STAU2: variants seen among roughly 807,000 people sequenced by gnomAD.
STAU2 encodes the protein double-stranded RNA-binding protein Staufen homolog 2.
Under a neutral mutation model 65.9 loss-of-function variants are expected in STAU2, and 20 were observed. The ratio of observed to expected loss-of-function variants is 0.30; its 90% CI spans 0.21 to 0.44. The LOEUF (loss-of-function observed/expected upper bound fraction) is 0.44. STAU2 is among the 20% of genes least tolerant of loss of function. The pLI is 1.00. For missense variants in STAU2, 558 were observed against 683.9 expected (o/e 0.82, Z 2.05); for synonymous variants, 232 against 233.9 (o/e 0.99, Z 0.07).
At chr8:73,692,335 T>C (rs188886006) in intron 4 of STAU2, among the ~76,000 whole-genome samples, 2 of 152,130 alleles carry the variant, frequency 1.3e-5, no homozygotes, top group Admixed American at 1.3e-4. Context: ...GTAGCTGGCA[T>C]CACAGGCACA....
chr8:73,493,722 C>A (rs1821258244), intron 13 of STAU2, among the ~76,000 whole-genome samples: 2 of 151,646 alleles, frequency 1.3e-5, no homozygotes, highest in African/African-American at 2.4e-5. Flanking sequence ...TACCCTATGA[C>A]CCAGCAATTC....
Position 73,685,381 on chromosome 8 carries a change from CT to C in STAU2, c.274+3272del, listed in dbSNP as rs1291568249. 3.3e-3 allele frequency among the ~76,000 whole-genome samples: 457 copies of C among 139,310 alleles called. 2 individuals carry two copies. The highest frequency in any genetic ancestry group is 8.1e-3 in the African/African-American group (312 of 38,410). The allele number at this position is 139,310 out of a possible 152,430, so 91.4% of individuals were successfully genotyped here. A position where few individuals can be genotyped will look rare whatever the true frequency, so the allele number is the denominator to read the frequency against. ...TGGTGAAAAGAAACACTTTTTTTTT[CT>C]TTTTTTTTTTTTTGAGATGGAGCCT... On this transcript the variant is annotated intron_variant, in intron 5 of 14. Coordinates refer to ENST00000524300, the MANE Select transcript of STAU2 (RefSeq NM_001164380.2).
chr8:73,670,336 C>T (rs1477057766), intron 6 of STAU2: 1 of 151,742 alleles, frequency 6.6e-6, no homozygotes, highest in Admixed American at 6.6e-5. Flanking sequence ...GGCCCATTAG[C>T]AAGGGGAAGA....
chr8:73,636,186 A>G (rs531184397), intron 6 of STAU2, among the ~76,000 whole-genome samples: 5 of 152,080 alleles, frequency 3.3e-5, no homozygotes, highest in Admixed American at 6.5e-5. Flanking sequence ...AAAACCCCAT[A>G]TCTATAAAGA....
At chr8:73,438,470 G>A (rs761331524) in intron 13 of STAU2, among the ~76,000 whole-genome samples, 7 of 152,322 alleles carry the variant, frequency 4.6e-5, no homozygotes, top group South Asian at 2.1e-4. Context: ...GAGCTGGGGC[G>A]CAAAGCCACT....
chr8:73,736,586 C>A (rs1458131426), intron 3 of STAU2, among the ~76,000 whole-genome samples: 1 of 152,186 alleles, frequency 6.6e-6, no homozygotes, highest in Non-Finnish European at 1.5e-5. Context: ...CTGTGCAAAT[C>A]CCTGTAGCCA....
chr8:73,680,351 C>A (rs1818346460), intron 5 of STAU2, among the ~76,000 whole-genome samples: 1 of 152,064 alleles, frequency 6.6e-6, no homozygotes, highest in Non-Finnish European at 1.5e-5. Context: ...CACTGGGTAG[C>A]TAGACCCAGA....
chr8:73,532,877 G>A (rs1401635415), intron 13 of STAU2, among the ~76,000 whole-genome samples: 1 of 152,068 alleles, frequency 6.6e-6, no homozygotes, highest in East Asian at 1.9e-4. Context: ...TGACCTGTAA[G>A]CCACGCACCT....
Position 73,483,328 on chromosome 8 carries a change from G to A in STAU2, c.1531-60626C>T, listed in dbSNP as rs549140630. The stretch of plus-strand genomic sequence containing the variant: ...AACCTCACAAATTGTCTAGGCAGTC[G>A]TGAGCAATCATTGACTTGGTTTGTT... On this transcript the variant is annotated intron_variant, in intron 13 of 14. Transcript: ENST00000524300. Among the ~76,000 whole-genome samples the A allele has an allele frequency of 2.6e-5, 4 of 152,206 alleles. No homozygotes were observed. In the East Asian group the frequency reaches 5.8e-4, roughly 22 times the overall value.
chr8:73,498,840 T>G (rs1463921406), intron 13 of STAU2, among the ~76,000 whole-genome samples: 1 of 151,770 alleles, frequency 6.6e-6, no homozygotes, highest in African/African-American at 2.4e-5. Flanking sequence ...GACGGTTAAT[T>G]TTATGTGTTA....
At chr8:73,726,746 A>C (rs1038737081) in intron 3 of STAU2, among the ~76,000 whole-genome samples, 1 of 152,114 alleles carries the variant, frequency 6.6e-6, no homozygotes, top group Non-Finnish European at 1.5e-5. Context: ...TCGTGTCTTG[A>C]ACATTTAGAG....
chr8:73,635,935 C>T (rs1814466289), intron 6 of STAU2, among the ~76,000 whole-genome samples: 1 of 115,182 alleles, frequency 8.7e-6, no homozygotes, highest in Admixed American at 9.0e-5. Context: ...CACACACACA[C>T]ACACACACAC....
chr8:73,521,399 C>A (rs1371272686), intron 13 of STAU2, among the ~76,000 whole-genome samples: 1 of 152,136 alleles, frequency 6.6e-6, no homozygotes, highest in Non-Finnish European at 1.5e-5. Flanking sequence ...AGAGTTTATA[C>A]CTCATTATTC....
At chr8:73,712,129 G>C (rs1820943563) in intron 3 of STAU2, among the ~76,000 whole-genome samples, 1 of 152,114 alleles carries the variant, frequency 6.6e-6, no homozygotes, top group Middle Eastern at 3.2e-3. Context: ...GTGCAAAAAA[G>C]TGAGAAATGC....
At chr8:73,444,999 G>A (rs1470908485) in intron 13 of STAU2, among the ~76,000 whole-genome samples, 1 of 152,154 alleles carries the variant, frequency 6.6e-6, no homozygotes, top group Non-Finnish European at 1.5e-5. Context: ...GCGCCTAGAT[G>A]GGGAGGCTGT....
intron 5 of STAU2, among the ~76,000 whole-genome samples, chr8:73,679,894 A>G (rs544361279): frequency 6.6e-6 from 1 of 150,588 alleles, no homozygotes; most frequent in Non-Finnish European, 1.5e-5. Context: ...ACCTAAAAAA[A>G]AAAACAAAAC....
Position 73,420,437 on chromosome 8 carries a change from G to T in STAU2, c.*935C>A. ...CTGGATTCCAACATGCTGGCCCGGA[G>T]CGTGGCTGGCTGGAAGCAACTCCAA... is the stretch of plus-strand genomic sequence containing the variant. On this transcript the variant is annotated 3_prime_UTR_variant, in exon 15 of 15. Coordinates refer to ENST00000524300, the MANE Select transcript of STAU2 (RefSeq NM_001164380.2). 3.4e-6 allele frequency: 1 copy of T among 291,628 alleles called. No homozygotes were observed. The highest frequency in any genetic ancestry group is 1.3e-3 in the Middle Eastern group (1 of 764). The allele number at this position is 291,628 out of a possible 1,614,324, so 18.1% of individuals were successfully genotyped here.
At chr8:73,526,373 T>C (rs2128930846) in intron 13 of STAU2, among the ~76,000 whole-genome samples, 1 of 152,306 alleles carries the variant, frequency 6.6e-6, no homozygotes, top group African/African-American at 2.4e-5. Context: ...GAATGAATAA[T>C]GATTGGAAAC....
intron 4 of STAU2, among the ~76,000 whole-genome samples, chr8:73,697,099 G>T (rs1306593985): frequency 6.6e-6 from 1 of 152,074 alleles, no homozygotes; most frequent in African/African-American, 2.4e-5. Context: ...TGTCACCCAG[G>T]CTGGAATGCA....
Sources: allele counts gnomAD v4.1 joint callset (sites outside exome capture counted in the v4.1 genomes callset), GRCh38; gene constraint gnomAD v4.1.1; transcripts MANE v1.5; gene names NCBI Gene and HGNC (gene_info 2026-07-23, HGNC 2026-07-21).